The following MAP1B variants were observed in gnomAD, a reference collection of about 807,000 sequenced individuals.
MAP1B encodes microtubule-associated protein 1B.
MAP1B carries 12 observed loss-of-function variants against 176.1 expected under a neutral mutation model. The observed-to-expected ratio is 0.07, with a 90% CI of 0.04 to 0.11. The LOEUF is 0.11. Among genes scored for constraint, MAP1B ranks in the 10% least tolerant of loss-of-function variants. The pLI, the probability that MAP1B is intolerant of heterozygous loss-of-function variation, is 1.00. For synonymous variants in MAP1B, 1,044 were observed against 1,135.0 expected, an observed-to-expected ratio of 0.92 and a Z score of 1.61; for missense variants, 2,523 against 2,990.5, an observed-to-expected ratio of 0.84 and a Z score of 3.65.
rs777050545 is a variant in MAP1B, at chr5:72,200,352, A to G, written c.6997A>G (p.Lys2333Glu). Residue 2333 changes from lysine (K) to glutamate (E), a missense_variant, in exon 5 of 7, where the codon AAG (lysine) becomes GAG (glutamate). Coordinates refer to ENST00000296755, the MANE Select transcript of MAP1B (RefSeq NM_005909.5). Reference sequence around the variant, plus strand: ...CAATGCCTCTGCATCCAAGTCGGCCAAGACCGCCACTGCAGGTAGGTTGAG... The same window carrying G: ...CAATGCCTCTGCATCCAAGTCGGCCGAGACCGCCACTGCAGGTAGGTTGAG... ...AANASASKSA[K>E]TATAGPGTTK... 1.1e-5 allele frequency: 18 copies of G among 1,613,598 alleles called. No individual in the cohort carries two copies. The South Asian group carries it at 2.0e-4, about 18-fold the overall frequency.
chr5:72,159,760 A>G (rs1229179167), intron 2 of MAP1B, among the ~76,000 whole-genome samples: 1 of 152,226 alleles, frequency 6.6e-6, no homozygotes, highest in Non-Finnish European at 1.5e-5. Flanking sequence ...CAGAGGCCCT[A>G]CAGGAACTAG....
intron 2 of MAP1B, among the ~76,000 whole-genome samples, chr5:72,139,015 C>T (rs755700481): frequency 6.6e-6 from 1 of 152,118 alleles, no homozygotes; most frequent in Non-Finnish European, 1.5e-5. Flanking sequence ...GAATCACTAT[C>T]GCTTTTGTAT....
At chr5:72,176,764 T>C (rs1284928770) in intron 2 of MAP1B, among the ~76,000 whole-genome samples, 1 of 152,222 alleles carries the variant, frequency 6.6e-6, no homozygotes, top group African/African-American at 2.4e-5. Context: ...AGCACGCACA[T>C]TGAATTATGC....
At position 72,209,089 on chromosome 5, in the gene MAP1B, A is replaced by AT. The variant is rs1747514652; in HGVS notation, c.*3855dup. 1 of 152,202 alleles carries AT rather than the reference A, an allele frequency of 6.6e-6. No homozygotes were observed. The highest frequency in any genetic ancestry group is 1.5e-5 in the Non-Finnish European group (1 of 68,034). 9.4% of individuals were successfully genotyped at this position (152,202 alleles called of 1,614,324 possible). Reference sequence around the variant, plus strand: ...AAAAATCTGTGACTTCATGAAGTTGATTTTTAAAGGCAGCATCAAAAACTG... The same window carrying AT: ...AAAAATCTGTGACTTCATGAAGTTGATTTTTTAAAGGCAGCATCAAAAACTG... On this transcript the variant is annotated 3_prime_UTR_variant, in exon 7 of 7. Transcript: ENST00000296755.
intron 2 of MAP1B, among the ~76,000 whole-genome samples, chr5:72,178,136 G>A (rs1746688224): frequency 6.6e-6 from 1 of 152,162 alleles, no homozygotes; most frequent in African/African-American, 2.4e-5. Context: ...CCAAGTAGCT[G>A]GGATTACAGG....
chr5:72,177,496 C>A (rs1360959604), intron 2 of MAP1B, among the ~76,000 whole-genome samples: 1 of 152,130 alleles, frequency 6.6e-6, no homozygotes, highest in African/African-American at 2.4e-5. Context: ...CTCTGGGCCC[C>A]AGCGTTAGTT....
chr5:72,155,380 C>T (rs1303322206), intron 2 of MAP1B, among the ~76,000 whole-genome samples: 1 of 152,182 alleles, frequency 6.6e-6, no homozygotes, highest in Non-Finnish European at 1.5e-5. Flanking sequence ...GAATGTGATT[C>T]ATCGAGACTG....
In MAP1B at chr5:72,197,826, G is replaced by T; in HGVS notation, c.4471G>T (p.Ala1491Ser). The T allele has an allele frequency of 6.2e-7, 1 of 1,614,190 alleles. No individual in the cohort carries two copies. Among genetic ancestry groups the T allele is most frequent in the South Asian group, 1.1e-5 (1 of 91,086 alleles). ...AGCCATGAGTTCTCAACCAGCACTGGCTCTGGATGAAAGGAAATTAGGAGA... is the reference window on the plus strand; with the variant it reads ...AGCCATGAGTTCTCAACCAGCACTGTCTCTGGATGAAAGGAAATTAGGAGA... The part of the protein sequence containing the change: ...VEAMSSQPAL[A>S]LDERKLGDVS... The change falls in exon 5 of 7, where the codon GCT becomes TCT. Residue 1491 changes from alanine to serine, a missense_variant. Ala to Ser is a moderately conservative substitution (Grantham distance 99). Around this residue, in one of 4 missense-constraint regions of MAP1B, gnomAD observed 1,925 missense variants for 2,126.0 expected, o/e 0.91. Coordinates refer to ENST00000296755, the MANE Select transcript of MAP1B (RefSeq NM_005909.5).
At chr5:72,193,779 TAAC>T in intron 4 of MAP1B, 84 bp from the exon 5 acceptor site, 1 of 1,392,340 alleles carries the variant, frequency 7.2e-7, no homozygotes, top group East Asian at 2.4e-5. Flanking sequence ...TGTGATCCTG[TAAC>T]ACATAGTTAT....
chr5:72,152,136 T>G (rs4522976), intron 2 of MAP1B, among the ~76,000 whole-genome samples: 70,824 of 151,992 alleles, frequency 0.47, 17,133 homozygotes, highest in African/African-American at 0.62. Flanking sequence ...GTATTTAGAT[T>G]GTGGTTCTTT....
chr5:72,130,611 A>G (rs1032264840), intron 2 of MAP1B, among the ~76,000 whole-genome samples: 3 of 152,214 alleles, frequency 2.0e-5, no homozygotes, highest in African/African-American at 7.2e-5. Context: ...AAAACTATCA[A>G]TTACTTTTCA....
In MAP1B at chr5:72,196,522, G is replaced by A. The variant is rs1747173342; in HGVS notation, c.3167G>A (p.Gly1056Asp). ...MAVVDKAAEA[G>D]GAEEQYGFLT... ...GTGGTCGACAAGGCTGCAGAGGCTG[G>A]TGGTGCCGAGGAGCAGTATGGATTC... The change falls in exon 5 of 7, where the codon GGT (glycine) becomes GAT (aspartate). Residue 1056 changes from glycine (G) to aspartate (D), a missense_variant. This residue lies in a region of MAP1B where 1,925 missense variants were observed against 2,126.0 expected (regional missense o/e 0.91). Coordinates refer to ENST00000296755, the MANE Select transcript of MAP1B (RefSeq NM_005909.5). The surrounding 1 kb of genome is among the most constrained non-coding windows in gnomAD (Gnocchi z 5.3). 6.2e-7 allele frequency: 1 copy of A among 1,613,798 alleles called. No individual in the cohort carries two copies. Among genetic ancestry groups the A allele is most frequent in the South Asian group, 1.1e-5 (1 of 91,070 alleles).
intron 2 of MAP1B, among the ~76,000 whole-genome samples, chr5:72,164,653 C>A (rs1332412018): frequency 1.3e-5 from 2 of 152,120 alleles, no homozygotes; most frequent in Non-Finnish European, 2.9e-5. Flanking sequence ...AACCAGGGAA[C>A]CAGCGCAGTT....
intron 1 of MAP1B, among the ~76,000 whole-genome samples, chr5:72,110,111 A>G (rs1018626800): frequency 1.8e-4 from 27 of 152,202 alleles, no homozygotes; most frequent in Non-Finnish European, 8.8e-5. Context: ...TAGAGAGGAA[A>G]GGGCACAAAT....
Position 72,127,252 on chromosome 5 carries a change from G to A in MAP1B, c.286+11453G>A, listed in dbSNP as rs530884228. ...CTACCAATTAGCACACCATAATTTAGCAAGTTAGTACATGCAGATATGAAC... is the reference window on the plus strand; with the variant it reads ...CTACCAATTAGCACACCATAATTTAACAAGTTAGTACATGCAGATATGAAC... On this transcript the variant is annotated intron_variant, in intron 2 of 6. Transcript: ENST00000296755. Among the ~76,000 whole-genome samples the A allele has an allele frequency of 3.3e-5, 5 of 152,304 alleles. No individual in the cohort carries two copies. The East Asian group carries it at 9.6e-4, about 29-fold the overall frequency.
At chr5:72,134,989 C>T (rs954694936) in intron 2 of MAP1B, among the ~76,000 whole-genome samples, 9 of 150,546 alleles carry the variant, frequency 6.0e-5, no homozygotes, top group African/African-American at 2.0e-4. Context: ...AGGTGGAATC[C>T]TGATGTTTCA....
At chr5:72,166,383 TC>T (rs1746429214) in intron 2 of MAP1B, among the ~76,000 whole-genome samples, 1 of 152,074 alleles carries the variant, frequency 6.6e-6, no homozygotes, top group Non-Finnish European at 1.5e-5. Context: ...AGAGGAGTAT[TC>T]CAGGATCCCG....
intron 3 of MAP1B, among the ~76,000 whole-genome samples, chr5:72,185,039 A>G (rs190602268): frequency 4.1e-4 from 62 of 152,304 alleles, no homozygotes; most frequent in Admixed American, 2.5e-3. Context: ...TGGACATTTC[A>G]TATAAATATA....
rs372694587 is a variant in MAP1B at position 72,166,394 on chromosome 5, G to A, written c.287-17349G>A. Reference sequence around the variant, plus strand: ...GTGGAGAGGAGTATTCCAGGATCCCGGTACACGATGGGCATCTGTTTGTAA... The same window carrying A: ...GTGGAGAGGAGTATTCCAGGATCCCAGTACACGATGGGCATCTGTTTGTAA... On this transcript the variant is annotated intron_variant, in intron 2 of 6. Transcript: ENST00000296755. Among the ~76,000 whole-genome samples the A allele has an allele frequency of 6.6e-5, 10 of 152,076 alleles. No homozygotes were observed. In the East Asian group the frequency reaches 7.7e-4, roughly 12 times the overall value.
Sources: allele counts gnomAD v4.1 joint callset (sites outside exome capture counted in the v4.1 genomes callset), GRCh38; gene constraint gnomAD v4.1.1; regional missense constraint gnomAD v4.1.1; non-coding constraint Gnocchi (gnomAD v3.1); transcripts MANE v1.5; gene names NCBI Gene and HGNC (gene_info 2026-07-23, HGNC 2026-07-21).